The following PARD3 variants were observed in gnomAD, a reference collection of about 807,000 sequenced individuals.
The protein encoded by PARD3 is par-3 family cell polarity regulator.
PARD3 carries 75 observed loss-of-function variants against 155.4 expected under a neutral mutation model. That is an observed-to-expected ratio of 0.48 (90% CI 0.40 to 0.58). The LOEUF (loss-of-function observed/expected upper bound fraction) is 0.58, where lower values mean the gene tolerates loss of function less well. PARD3 is among the 20% of genes least tolerant of loss of function. The pLI is 0.00. For synonymous variants in PARD3, 576 were observed against 610.5 expected, an observed-to-expected ratio of 0.94 and a Z score of 0.83; for missense variants, 1,642 against 1,721.7, an observed-to-expected ratio of 0.95 and a Z score of 0.82.
intron 20 of PARD3, among the ~76,000 whole-genome samples, chr10:34,285,665 G>T (rs1400846704): frequency 6.6e-6 from 1 of 151,970 alleles, no homozygotes; most frequent in African/African-American, 2.4e-5. Context: ...TAATGGCTTG[G>T]TTGATAGCAT....
At chr10:34,215,450 T>C (rs1951958793) in intron 22 of PARD3, among the ~76,000 whole-genome samples, 1 of 152,256 alleles carries the variant, frequency 6.6e-6, no homozygotes, top group Admixed American at 6.5e-5. Flanking sequence ...AACTCTATCC[T>C]TTAATCCAAT....
intron 18 of PARD3, among the ~76,000 whole-genome samples, chr10:34,332,931 A>G (rs1056186138): frequency 6.6e-6 from 1 of 152,150 alleles, no homozygotes; most frequent in Non-Finnish European, 1.5e-5. Flanking sequence ...CCAAAAACCT[A>G]CATAATAAGA....
intron 16 of PARD3, among the ~76,000 whole-genome samples, chr10:34,338,988 T>C (rs1025631618): frequency 2.2e-4 from 33 of 152,136 alleles, no homozygotes; most frequent in African/African-American, 8.0e-4. Flanking sequence ...CAGATGCCCC[T>C]TCACATACTA....
At chr10:34,482,260 C>A (rs1444619676) in intron 3 of PARD3, among the ~76,000 whole-genome samples, 1 of 152,068 alleles carries the variant, frequency 6.6e-6, no homozygotes, top group Non-Finnish European at 1.5e-5. Flanking sequence ...GTCTTGAACT[C>A]CTGGCCTCAA....
chr10:34,777,865 GGAA>G (rs1839787904), intron 1 of PARD3, among the ~76,000 whole-genome samples: 1 of 152,076 alleles, frequency 6.6e-6, no homozygotes, highest in Non-Finnish European at 1.5e-5. Flanking sequence ...GATTCCCTGA[GGAA>G]TGATGGTGAG....
At chr10:34,518,667 T>C (rs1359992385) in intron 2 of PARD3, among the ~76,000 whole-genome samples, 1 of 152,208 alleles carries the variant, frequency 6.6e-6, no homozygotes, top group Non-Finnish European at 1.5e-5. Context: ...AATAAACAGC[T>C]GTTCCCTGCT....
At chr10:34,266,041 T>C (rs1344632728) in intron 22 of PARD3, among the ~76,000 whole-genome samples, 1 of 152,256 alleles carries the variant, frequency 6.6e-6, no homozygotes, top group Non-Finnish European at 1.5e-5. Flanking sequence ...ATTAAGTTAA[T>C]GTTGTTCATT....
At chr10:34,767,121 A>G (rs80042975) in intron 1 of PARD3, among the ~76,000 whole-genome samples, 274 of 152,306 alleles carry the variant, frequency 1.8e-3, no homozygotes, top group African/African-American at 6.1e-3. Flanking sequence ...AGTTCAAGCA[A>G]TGAACATATA....
At chr10:34,226,423 G>T (rs1380303835) in intron 22 of PARD3, among the ~76,000 whole-genome samples, 6 of 152,192 alleles carry the variant, frequency 3.9e-5, no homozygotes, top group African/African-American at 7.2e-5. Flanking sequence ...GTTGGCACAT[G>T]CCGGTAATCC....
At chr10:34,414,222 T>TA (rs768850296) in intron 5 of PARD3, among the ~76,000 whole-genome samples, 2,926 of 139,970 alleles carry the variant, frequency 0.021, 32 homozygotes, top group African/African-American at 0.029. Context: ...CCCTCGCTCT[T>TA]AAAAAAAAAA....
chr10:34,633,765 T>C (rs1211504303), intron 2 of PARD3, among the ~76,000 whole-genome samples: 1 of 152,228 alleles, frequency 6.6e-6, no homozygotes, highest in Non-Finnish European at 1.5e-5. Context: ...CTGTTTTCCA[T>C]AATGTCTGTA....
At chr10:34,665,592 C>T (rs1313440160) in intron 2 of PARD3, among the ~76,000 whole-genome samples, 2 of 152,080 alleles carry the variant, frequency 1.3e-5, no homozygotes, top group Non-Finnish European at 2.9e-5. Flanking sequence ...GTAATCCCAA[C>T]ACTTTGGGAT....
intron 9 of PARD3, among the ~76,000 whole-genome samples, chr10:34,381,694 A>G (rs901069872): frequency 5.9e-5 from 9 of 152,032 alleles, no homozygotes; most frequent in African/African-American, 2.2e-4. Flanking sequence ...CACTTTGGGA[A>G]GCCGAGGTAG....
At chr10:34,640,734 A>AAAAAAAAAAAAAAAAAAAAAC (rs2092650936) in intron 2 of PARD3, among the ~76,000 whole-genome samples, 1 of 145,172 alleles carries the variant, frequency 6.9e-6, no homozygotes, top group African/African-American at 2.6e-5. Context: ...AAAAAAAAAA[A>AAAAAAAAAAAAAAAAAAAAAC]AAGCACTTTT....
intron 10 of PARD3, among the ~76,000 whole-genome samples, chr10:34,376,726 C>T (rs906706838): frequency 6.6e-6 from 1 of 152,172 alleles, no homozygotes; most frequent in African/African-American, 2.4e-5. Flanking sequence ...TATCCCTCTC[C>T]TCCCCTACTT....
chr10:34,660,491 C>T (rs932197976), intron 2 of PARD3, among the ~76,000 whole-genome samples: 1 of 152,026 alleles, frequency 6.6e-6, no homozygotes, highest in African/African-American at 2.4e-5. Flanking sequence ...TCACTGTGCA[C>T]GGGGCTGCAC....
chr10:34,545,597 C>T (rs752137076), intron 2 of PARD3, among the ~76,000 whole-genome samples: 1 of 152,226 alleles, frequency 6.6e-6, no homozygotes, highest in Non-Finnish European at 1.5e-5. Flanking sequence ...CTCTGTCGCC[C>T]AGGCTGGAGT....
intron 1 of PARD3, among the ~76,000 whole-genome samples, chr10:34,778,604 G>A (rs987181990): frequency 6.6e-6 from 1 of 152,008 alleles, no homozygotes; most frequent in Non-Finnish European, 1.5e-5. Context: ...ATATCCTCCA[G>A]CAGAGACATG....
At chr10:34,813,242 G>A (rs1259651463) in intron 1 of PARD3, among the ~76,000 whole-genome samples, 3 of 152,322 alleles carry the variant, frequency 2.0e-5, no homozygotes, top group South Asian at 4.1e-4. Context: ...TAAAGTGAAA[G>A]AAAATGTTGA....
Sources: gnomAD v4.1 joint callset for allele counts (sites outside exome capture counted in the v4.1 genomes callset) on GRCh38, gnomAD v4.1.1 for gene constraint, MANE v1.5 for transcripts, NCBI Gene and HGNC (gene_info 2026-07-23, HGNC 2026-07-21) for gene names.